SLC25A13: variants seen among roughly 807,000 people sequenced by gnomAD.
SLC25A13 encodes the protein solute carrier family 25 member 13.
SLC25A13 carries 70 observed loss-of-function variants against 85.5 expected under a neutral mutation model. The ratio of observed to expected loss-of-function variants is 0.82; its 90% CI spans 0.68 to 1.00. The LOEUF is 1.00. Ranked by LOEUF, SLC25A13 falls within the 50% of genes least tolerant of loss-of-function variation. SLC25A13 has a pLI of 0.00. For synonymous variants in SLC25A13, 259 were observed against 288.7 expected (o/e 0.90, Z 1.04); for missense variants, 765 against 819.8 (o/e 0.93, Z 0.82).
At chr7:96,306,075 G>T (rs1371036131) in intron 1 of SLC25A13, among the ~76,000 whole-genome samples, 1 of 152,166 alleles carries the variant, frequency 6.6e-6, no homozygotes, top group Non-Finnish European at 1.5e-5. Flanking sequence ...AGTAGACACC[G>T]TTATGTCCAT....
chr7:96,148,998 C>T (rs927862660), intron 13 of SLC25A13, among the ~76,000 whole-genome samples: 9 of 152,204 alleles, frequency 5.9e-5, no homozygotes, highest in Non-Finnish European at 1.2e-4. Context: ...TCCATAGATG[C>T]ATGTTACAAT....
chr7:96,282,366 A>G (rs1798719126), intron 2 of SLC25A13, among the ~76,000 whole-genome samples: 1 of 152,182 alleles, frequency 6.6e-6, no homozygotes, highest in South Asian at 2.1e-4. Flanking sequence ...GCCAGGGTAG[A>G]ACCATAATCA....
intron 11 of SLC25A13, among the ~76,000 whole-genome samples, chr7:96,181,549 C>T (rs932266305): frequency 1.3e-5 from 2 of 151,956 alleles, no homozygotes; most frequent in Non-Finnish European, 2.9e-5. Flanking sequence ...ATAATAAGAT[C>T]GCATGCTACA....
chr7:96,272,262 AG>A (rs1197993956), intron 3 of SLC25A13, among the ~76,000 whole-genome samples: 1 of 152,184 alleles, frequency 6.6e-6, no homozygotes, highest in African/African-American at 2.4e-5. Flanking sequence ...TATCAAATAA[AG>A]GCCCATAAAC....
At chr7:96,249,906 AG>A (rs1366267690) in intron 3 of SLC25A13, among the ~76,000 whole-genome samples, 1 of 148,202 alleles carries the variant, frequency 6.7e-6, no homozygotes, top group Admixed American at 6.8e-5. Context: ...ACTCTAGGCC[AG>A]GCATGGTGGC....
intron 4 of SLC25A13, among the ~76,000 whole-genome samples, chr7:96,225,853 GTCTC>G (rs1167414614): frequency 6.6e-6 from 1 of 151,958 alleles, no homozygotes; most frequent in East Asian, 1.9e-4. Context: ...TTTGTTTATA[GTCTC>G]TCTCCCTAAA....
At chr7:96,152,089 C>T (rs184603083) in intron 13 of SLC25A13, among the ~76,000 whole-genome samples, 7 of 152,264 alleles carry the variant, frequency 4.6e-5, no homozygotes, top group African/African-American at 7.2e-5. Flanking sequence ...TGGATGCCAG[C>T]GGCACACTTA....
intron 1 of SLC25A13, among the ~76,000 whole-genome samples, chr7:96,316,125 A>AATAT (rs137922014): frequency 1.1e-4 from 16 of 149,654 alleles, no homozygotes; most frequent in Non-Finnish European, 1.8e-4. Flanking sequence ...CCCTGTCCCA[A>AATAT]ATATATATAT....
intron 13 of SLC25A13, among the ~76,000 whole-genome samples, chr7:96,149,252 C>T (rs998832181): frequency 1.3e-4 from 20 of 152,172 alleles, no homozygotes; most frequent in African/African-American, 3.9e-4. Flanking sequence ...TATCATTTCA[C>T]GAATAACTTT....
intron 4 of SLC25A13, among the ~76,000 whole-genome samples, chr7:96,234,201 G>T (rs1422929682): frequency 1.3e-5 from 2 of 152,128 alleles, no homozygotes; most frequent in Admixed American, 1.3e-4. Context: ...AAACATCAGG[G>T]TTTTCTGCAG....
chr7:96,195,817 C>A (rs766358246), intron 5 of SLC25A13, among the ~76,000 whole-genome samples: 1 of 152,186 alleles, frequency 6.6e-6, no homozygotes, highest in Non-Finnish European at 1.5e-5. Flanking sequence ...ACCACTTAGG[C>A]AAATATAACC....
At chr7:96,143,136 C>A (rs373687411) in intron 14 of SLC25A13, among the ~76,000 whole-genome samples, 46 of 152,246 alleles carry the variant, frequency 3.0e-4, no homozygotes, top group African/African-American at 8.9e-4. Flanking sequence ...GTTTTGTACT[C>A]AAAAAGAGAC....
At chr7:96,289,923 C>G (rs182453747) in intron 2 of SLC25A13, among the ~76,000 whole-genome samples, 50 of 152,242 alleles carry the variant, frequency 3.3e-4, no homozygotes, top group African/African-American at 1.2e-3. Flanking sequence ...CACAAAGATA[C>G]TCCTCGAGAA....
chr7:96,261,910 TGATAAGAAACCCACTCCTGA>T (rs1428653889), intron 3 of SLC25A13, among the ~76,000 whole-genome samples: 4 of 152,160 alleles, frequency 2.6e-5, no homozygotes, highest in Non-Finnish European at 5.9e-5. Flanking sequence ...ACTCATCCTT[TGATAAGAAACCCACTCCTGA>T]GATAAAGAAC....
chr7:96,184,536 T>C, intron 10 of SLC25A13, 101 bp from the exon 11 acceptor site: 1 of 1,134,872 alleles, frequency 8.8e-7, no homozygotes, highest in Non-Finnish European at 1.3e-6. Flanking sequence ...AAGAAATGTG[T>C]TTTGAATTTT....
chr7:96,124,549 T>C (rs1791647484), intron 15 of SLC25A13, among the ~76,000 whole-genome samples: 1 of 152,252 alleles, frequency 6.6e-6, no homozygotes, highest in Non-Finnish European at 1.5e-5. Context: ...TTTAAAACCT[T>C]GAATTCCATT....
intron 4 of SLC25A13, among the ~76,000 whole-genome samples, chr7:96,225,970 C>T (rs59429639): frequency 0.015 from 2,232 of 152,198 alleles, 52 homozygotes; most frequent in African/African-American, 0.051. Flanking sequence ...CATATCTACA[C>T]GACCAATTAC....
chr7:96,172,620 C>T (rs1267968787), intron 11 of SLC25A13, among the ~76,000 whole-genome samples: 3 of 152,048 alleles, frequency 2.0e-5, no homozygotes, highest in East Asian at 1.9e-4. Flanking sequence ...CAGTTCTGAC[C>T]GAACTCTGAC....
At chr7:96,266,135 G>A in intron 3 of SLC25A13, among the ~76,000 whole-genome samples, 1 of 152,162 alleles carries the variant, frequency 6.6e-6, no homozygotes, top group East Asian at 1.9e-4. Flanking sequence ...ATTGCTTTTA[G>A]AAACCTCAGC....
Sources: allele counts gnomAD v4.1 joint callset (sites outside exome capture counted in the v4.1 genomes callset), GRCh38; gene constraint gnomAD v4.1.1; transcripts MANE v1.5; gene names NCBI Gene and HGNC (gene_info 2026-07-23, HGNC 2026-07-21).